EEA1: variants seen among roughly 807,000 people sequenced by gnomAD.
The protein encoded by EEA1 is early endosome antigen 1, 162kD.
A neutral mutation model predicts 209.2 loss-of-function variants in EEA1; 111 were observed. The observed-to-expected ratio is 0.53, with a 90% CI of 0.45 to 0.62. The LOEUF (loss-of-function observed/expected upper bound fraction) is 0.62, where lower values mean the gene tolerates loss of function less well. Ranked by LOEUF, EEA1 falls within the 20% of genes least tolerant of loss-of-function variation. The probability of loss-of-function intolerance (pLI) is 0.00; values close to 1 mark genes in which losing one functional copy is unlikely to be tolerated. For missense variants in EEA1, 1,343 were observed against 1,530.8 expected (o/e 0.88, Z 2.05); for synonymous variants, 536 against 540.6 (o/e 0.99, Z 0.12).
At chr12:92,901,349 C>T (rs897274459) in intron 1 of EEA1, among the ~76,000 whole-genome samples, 5 of 150,368 alleles carry the variant, frequency 3.3e-5, no homozygotes, top group African/African-American at 1.2e-4. Context: ...ACCATGGCCA[C>T]CTGAAATAAG....
chr12:92,860,823 T>C (rs2136718947), intron 3 of EEA1, among the ~76,000 whole-genome samples: 1 of 152,032 alleles, frequency 6.6e-6, no homozygotes, highest in South Asian at 2.1e-4. Context: ...TCATTATATA[T>C]GTCTGGTTCT....
At chr12:92,895,748 C>T (rs1001110593) in intron 1 of EEA1, among the ~76,000 whole-genome samples, 1 of 152,052 alleles carries the variant, frequency 6.6e-6, no homozygotes, top group Non-Finnish European at 1.5e-5. Flanking sequence ...CAGATCTGGG[C>T]AGAGTGTGTG....
chr12:92,886,632 AG>A (rs1163508461), intron 2 of EEA1, among the ~76,000 whole-genome samples: 2 of 69,382 alleles, frequency 2.9e-5, no homozygotes, highest in African/African-American at 1.2e-4. Context: ...AGAGGAGGGG[AG>A]GGGGAAGGGG....
intron 2 of EEA1, among the ~76,000 whole-genome samples, chr12:92,870,424 G>C (rs1214972036): frequency 6.6e-6 from 1 of 152,120 alleles, no homozygotes; most frequent in African/African-American, 2.4e-5. Flanking sequence ...AAAATGGGCA[G>C]CGCTTCCCCT....
chr12:92,892,826 C>T (rs1327731206), intron 1 of EEA1, among the ~76,000 whole-genome samples: 1 of 152,098 alleles, frequency 6.6e-6, no homozygotes, highest in East Asian at 1.9e-4. Context: ...AACGGGGTTT[C>T]ACCATGTTGG....
intron 2 of EEA1, among the ~76,000 whole-genome samples, chr12:92,879,632 A>G (rs1435752573): frequency 6.6e-6 from 1 of 152,034 alleles, no homozygotes; most frequent in Non-Finnish European, 1.5e-5. Context: ...TCAGAAAAAA[A>G]CCCATGGCTA....
chr12:92,852,071 T>C (rs1228410025), intron 8 of EEA1, 104 bp downstream of exon 8: 1 of 927,002 alleles, frequency 1.1e-6, no homozygotes, highest in Non-Finnish European at 1.5e-6. Context: ...TATTTCCTGA[T>C]TTCACTCAAA....
intron 1 of EEA1, among the ~76,000 whole-genome samples, chr12:92,908,958 G>A (rs952101425): frequency 2.6e-5 from 4 of 152,106 alleles, no homozygotes; most frequent in African/African-American, 9.7e-5. Context: ...TGAGTAGCTA[G>A]GATTACAGGC....
In EEA1 at chr12:92,811,413, G is replaced by T; in HGVS notation, c.2065C>A (p.Gln689Lys). The T allele has an allele frequency of 6.3e-7, 1 of 1,579,270 alleles. No individual in the cohort carries two copies. Among genetic ancestry groups the T allele is most frequent in the Non-Finnish European group, 8.6e-7 (1 of 1,165,712 alleles). ...AACTTTGCAGTGACCTGATCCAACT[G>T]AGTAGTAATCTTATTTAACTCCTTT... Reference protein sequence around the residue: ...KQQELNKITTQLDQVTAKLQD... With the variant: ...KQQELNKITTKLDQVTAKLQD... The change falls in exon 17 of 29, where the codon CAG becomes AAG. Residue 689 changes from glutamine to lysine, a missense_variant. Gln to Lys is a moderately conservative substitution (Grantham distance 53, BLOSUM62 1). Around this residue, in one of 3 missense-constraint regions of EEA1, gnomAD observed 1,307 missense variants for 1,465.5 expected, o/e 0.89. Transcript: ENST00000322349.
At chr12:92,861,815 A>G (rs1378332879) in intron 3 of EEA1, among the ~76,000 whole-genome samples, 1 of 151,990 alleles carries the variant, frequency 6.6e-6, no homozygotes, top group Admixed American at 6.6e-5. Flanking sequence ...TAAGCATAGA[A>G]TATCTCTGGA....
At chr12:92,814,211 A>G (rs560677613) in intron 15 of EEA1, among the ~76,000 whole-genome samples, 2 of 152,260 alleles carry the variant, frequency 1.3e-5, no homozygotes, top group South Asian at 4.1e-4. Flanking sequence ...AATTCAAATA[A>G]TTTTTTCTCA....
Position 92,802,609 on chromosome 12 carries a change from T to G in EEA1, c.2465A>C (p.Glu822Ala). 1 of 1,604,288 alleles carries G rather than the reference T, an allele frequency of 6.2e-7. No individual in the cohort carries two copies. Among genetic ancestry groups the G allele is most frequent in the Non-Finnish European group, 8.5e-7 (1 of 1,177,240 alleles). The change falls in exon 19 of 29, where the codon GAA becomes GCA. Residue 822 changes from glutamate to alanine, a missense_variant. Physicochemically the swap from Glu to Ala is moderately radical, Grantham distance 107. Around this residue, in one of 3 missense-constraint regions of EEA1, gnomAD observed 1,307 missense variants for 1,465.5 expected, o/e 0.89. Transcript: ENST00000322349. ...LKQDFETLSQ[E>A]TKIQHEELNN... ...CAATTCCTCATGCTGAATCTTTGTTTCTTGACTTAAAGTTTCAAAATCTTG... is the reference window on the plus strand; with the variant it reads ...CAATTCCTCATGCTGAATCTTTGTTGCTTGACTTAAAGTTTCAAAATCTTG...
intron 16 of EEA1, among the ~76,000 whole-genome samples, chr12:92,812,324 T>A (rs1485749126): frequency 1.4e-5 from 2 of 148,076 alleles, no homozygotes; most frequent in Non-Finnish European, 3.0e-5. Flanking sequence ...AGCAAAAAAC[T>A]CCATCTAAAA....
rs777806158 is a variant in EEA1 at position 92,853,016 on chromosome 12, G to A, written c.416C>T (p.Ser139Phe). Residue 139 changes from serine (S) to phenylalanine (F), a missense_variant, in exon 7 of 29, where the codon TCT becomes TTT. Ser to Phe is a radical substitution (Grantham distance 155, BLOSUM62 -2). This residue lies in a region of EEA1 where 1,307 missense variants were observed against 1,465.5 expected (regional missense o/e 0.89). Transcript: ENST00000322349. ...GGCTTCTTCTAATTGCTGTTCCAAA[G>A]ACTGTAGTTCTACAAAAAAGTGTCG... ...LVTDSSAELQ[S>F]LEQQLEEAQT... 117 of 1,599,858 alleles carry A rather than the reference G, an allele frequency of 7.3e-5. No individual in the cohort carries two copies. Among genetic ancestry groups the A allele is most frequent in the Non-Finnish European group, 9.7e-5 (114 of 1,171,384 alleles).
chr12:92,929,150 G>A lies in EEA1; in HGVS notation c.-84C>T, dbSNP rs1881331879. On this transcript the variant is annotated 5_prime_UTR_variant, in exon 1 of 29. Coordinates refer to ENST00000322349, the MANE Select transcript of EEA1 (RefSeq NM_003566.4). ...CACTACTCGGGGTGCGCGGGCGGGAGGGACTGGGCCGGGAGGGGACCGGGA... is the reference window on the plus strand; with the variant it reads ...CACTACTCGGGGTGCGCGGGCGGGAAGGACTGGGCCGGGAGGGGACCGGGA... 7.0e-7 allele frequency: 1 copy of A among 1,422,506 alleles called. No homozygotes were observed. Among genetic ancestry groups the A allele is most frequent in the Admixed American group, 2.1e-5 (1 of 47,898 alleles). 88.1% of individuals were successfully genotyped at this position (1,422,506 alleles called of 1,614,324 possible). A position where few individuals can be genotyped will look rare whatever the true frequency, so the allele number is the denominator to read the frequency against.
At chr12:92,888,413 T>C (rs1053074104) in intron 2 of EEA1, among the ~76,000 whole-genome samples, 12 of 151,906 alleles carry the variant, frequency 7.9e-5, no homozygotes, top group African/African-American at 2.9e-4. Flanking sequence ...CCATCTCTAC[T>C]AAAAATACAA....
chr12:92,908,567 T>C (rs2136774051), intron 1 of EEA1, among the ~76,000 whole-genome samples: 2 of 151,812 alleles, frequency 1.3e-5, no homozygotes, highest in Admixed American at 1.3e-4. Context: ...GAATGCAGAG[T>C]TTCTACTACA....
At chr12:92,842,405 G>T in intron 10 of EEA1, 60 bp downstream of exon 10, 1 of 852,838 alleles carries the variant, frequency 1.2e-6, no homozygotes, top group Non-Finnish European at 1.9e-6. Flanking sequence ...AAGTATGTAA[G>T]ATTAATATTT....
chr12:92,877,493 A>T (rs1878961429), intron 2 of EEA1, among the ~76,000 whole-genome samples: 1 of 152,130 alleles, frequency 6.6e-6, no homozygotes, highest in Non-Finnish European at 1.5e-5. Context: ...TCAATAGAAA[A>T]GGTTTTCTGA....
Sources: allele counts gnomAD v4.1 joint callset (sites outside exome capture counted in the v4.1 genomes callset), GRCh38; gene constraint gnomAD v4.1.1; regional missense constraint gnomAD v4.1.1; transcripts MANE v1.5; gene names NCBI Gene and HGNC (gene_info 2026-07-23, HGNC 2026-07-21).